Variants in CLOCK observed in about 807,000 individuals in gnomAD.
CLOCK encodes the protein clock circadian regulator.
A neutral mutation model predicts 118.4 loss-of-function variants in CLOCK; 43 were observed. The observed-to-expected ratio is 0.36, with a 90% CI of 0.28 to 0.47. The LOEUF (loss-of-function observed/expected upper bound fraction) is 0.47. Ranked by LOEUF, CLOCK falls within the 20% of genes least tolerant of loss-of-function variation. The pLI is 1.00. For synonymous variants in CLOCK, 326 were observed against 339.2 expected (o/e 0.96, Z 0.43); for missense variants, 846 against 999.9 (o/e 0.85, Z 2.08).
intron 1 of CLOCK, among the ~76,000 whole-genome samples, chr4:55,523,698 C>T (rs923200930): frequency 9.2e-5 from 14 of 152,158 alleles, no homozygotes; most frequent in Admixed American, 8.5e-4. Context: ...TACATCTCCA[C>T]ATACATTTCA....
At chr4:55,474,568 G>C (rs1400778844) in intron 7 of CLOCK, among the ~76,000 whole-genome samples, 1 of 152,192 alleles carries the variant, frequency 6.6e-6, no homozygotes, top group Non-Finnish European at 1.5e-5. Context: ...TTCGTAGTTA[G>C]AAAGGAGAAG....
chr4:55,451,648 G>C (rs1724466271), intron 15 of CLOCK, among the ~76,000 whole-genome samples: 1 of 152,102 alleles, frequency 6.6e-6, no homozygotes, highest in Non-Finnish European at 1.5e-5. Flanking sequence ...GGATTTACTA[G>C]GATTGAATCT....
intron 9 of CLOCK, among the ~76,000 whole-genome samples, chr4:55,461,898 T>TA (rs1577723070): frequency 2.0e-5 from 3 of 152,332 alleles, no homozygotes; most frequent in African/African-American, 7.2e-5. Context: ...CTTAGCCCCT[T>TA]TATAATTCTG....
intron 7 of CLOCK, among the ~76,000 whole-genome samples, chr4:55,475,611 C>T (rs1726459608): frequency 6.6e-6 from 1 of 152,198 alleles, no homozygotes; most frequent in Non-Finnish European, 1.5e-5. Flanking sequence ...CCACCCCAAC[C>T]TTCAGCAACC....
chr4:55,447,720 C>T (rs1723986201), intron 18 of CLOCK, among the ~76,000 whole-genome samples: 1 of 152,060 alleles, frequency 6.6e-6, no homozygotes, highest in East Asian at 1.9e-4. Flanking sequence ...GTATGTATCT[C>T]CTATCATATA....
chr4:55,478,424 T>A lies in CLOCK; in HGVS notation c.256+391A>T, dbSNP rs17085803. Among the ~76,000 whole-genome samples the A allele has an allele frequency of 8.2e-3, 1,253 of 152,276 alleles. 19 individuals carry two copies. Among genetic ancestry groups the A allele is most frequent in the African/African-American group, 0.029 (1,194 of 41,570 alleles). The stretch of plus-strand genomic sequence containing the variant: ...TCTGCTTTTGCACATATTCCCTTTG[T>A]GTGACATGCTGTCTTCCTTAATCTA... On this transcript the variant is annotated intron_variant, in intron 6 of 22. Coordinates refer to ENST00000513440, the MANE Select transcript of CLOCK (RefSeq NM_004898.4).
At chr4:55,509,238 G>A (rs1225235786) in intron 2 of CLOCK, among the ~76,000 whole-genome samples, 2 of 152,160 alleles carry the variant, frequency 1.3e-5, no homozygotes, top group Admixed American at 6.5e-5. Context: ...ACCATGTAAT[G>A]CATGACTGTA....
chr4:55,541,478 AG>A (rs1731262601), intron 1 of CLOCK, among the ~76,000 whole-genome samples: 1 of 152,260 alleles, frequency 6.6e-6, no homozygotes, highest in Non-Finnish European at 1.5e-5. Context: ...GTTTAGCTAC[AG>A]TGCAGAACTT....
At position 55,479,674 on chromosome 4, in the gene CLOCK, A is replaced by T; in HGVS notation, c.73T>A (p.Leu25Met). The change falls in exon 5 of 23, where the codon TTG (leucine) becomes ATG (methionine). Residue 25 changes from leucine to methionine, a missense_variant. Coordinates refer to ENST00000513440, the MANE Select transcript of CLOCK (RefSeq NM_004898.4). ...TTGTCCTTGTCATCTTCTTCCACCA[A>T]CCCATCAAAAATACTACTGTCATCT... Reference protein sequence around the residue: ...DRDDSSIFDGLVEEDDKDKAK... With the variant: ...DRDDSSIFDGMVEEDDKDKAK... The T allele has an allele frequency of 3.1e-6, 5 of 1,612,900 alleles. No homozygotes were observed. Among genetic ancestry groups the T allele is most frequent in the Non-Finnish European group, 3.4e-6 (4 of 1,179,234 alleles).
chr4:55,522,056 G>C (rs796854871), intron 1 of CLOCK, among the ~76,000 whole-genome samples: 1 of 152,268 alleles, frequency 6.6e-6, no homozygotes, highest in South Asian at 2.1e-4. Flanking sequence ...TAATGGTAGA[G>C]ACAACAGGTA....
chr4:55,445,598 T>C (rs1019506786), intron 18 of CLOCK, among the ~76,000 whole-genome samples: 1 of 124,960 alleles, frequency 8.0e-6, no homozygotes, highest in African/African-American at 2.9e-5. Flanking sequence ...TTTTTTTTTT[T>C]TTTTTTTTTT....
Position 55,430,241 on chromosome 4 carries a change from G to T in CLOCK, c.*5174C>A, listed in dbSNP as rs1053037098. On this transcript the variant is annotated 3_prime_UTR_variant, in exon 23 of 23. Transcript: ENST00000513440. The stretch of plus-strand genomic sequence containing the variant: ...GGTGGTGGTGATGGAATTTCACTTA[G>T]TTGTCTCTCCATAAACTATATCCTA... 1.3e-5 allele frequency: 2 copies of T among 152,220 alleles called. No homozygotes were observed. The highest frequency in any genetic ancestry group is 4.8e-5 in the African/African-American group (2 of 41,526). 9.4% of individuals were successfully genotyped at this position (152,220 alleles called of 1,614,324 possible).
chr4:55,474,432 G>A (rs993487000), intron 7 of CLOCK, among the ~76,000 whole-genome samples: 3 of 152,234 alleles, frequency 2.0e-5, no homozygotes, highest in Non-Finnish European at 4.4e-5. Context: ...AAGTGCTGAT[G>A]TAGAAGCTAG....
intron 1 of CLOCK, among the ~76,000 whole-genome samples, chr4:55,512,998 T>C (rs1010416765): frequency 1.3e-5 from 2 of 152,158 alleles, no homozygotes; most frequent in Non-Finnish European, 2.9e-5. Context: ...ATTCATAACA[T>C]TGTAATGCAA....
In CLOCK at chr4:55,542,106, C is replaced by T. The variant is rs1207302309; in HGVS notation, c.-290+4676G>A. 2.6e-5 allele frequency among the ~76,000 whole-genome samples: 4 copies of T among 151,662 alleles called. No individual in the cohort carries two copies. The East Asian group carries it at 5.8e-4, about 22-fold the overall frequency. ...CTGTAATCCCAGCACTTTGGGAGGCCGAGGTGGGCGGATCACCTGAGGTCA... is the reference window on the plus strand; with the variant it reads ...CTGTAATCCCAGCACTTTGGGAGGCTGAGGTGGGCGGATCACCTGAGGTCA... On this transcript the variant is annotated intron_variant, in intron 1 of 22. Coordinates refer to ENST00000513440, the MANE Select transcript of CLOCK (RefSeq NM_004898.4).
Position 55,435,501 on chromosome 4 carries a change from G to A in CLOCK, c.2455C>T (p.Gln819Ter). 6.2e-7 allele frequency: 1 copy of A among 1,614,034 alleles called. No homozygotes were observed. Among genetic ancestry groups the A allele is most frequent in the Non-Finnish European group, 8.5e-7 (1 of 1,179,958 alleles). The change falls in exon 23 of 23, where the codon CAG becomes TAG. Residue 819 changes from glutamine (Q) to a stop codon, truncating the protein, a stop_gained. Coordinates refer to ENST00000513440, the MANE Select transcript of CLOCK (RefSeq NM_004898.4). LOFTEE classifies it high-confidence loss of function. ...QQSTFPQSHHQQHQSQQQQQL... is the reference protein window; with the variant it reads ...QQSTFPQSHH The stretch of plus-strand genomic sequence containing the variant: ...TGCTGTTGCTGAGACTGATGTTGCT[G>A]GTGATGTGACTGAGGGAAGGTGCTC...
intron 9 of CLOCK, among the ~76,000 whole-genome samples, chr4:55,463,048 T>C (rs866131292): frequency 6.6e-6 from 1 of 152,202 alleles, no homozygotes; most frequent in African/African-American, 2.4e-5. Context: ...TTATACAGGG[T>C]AATATATGAA....
rs1164800209 is a variant in CLOCK, at chr4:55,454,331, T to G, written c.983-507A>C. Among the ~76,000 whole-genome samples the G allele has an allele frequency of 2.6e-5, 4 of 152,054 alleles. No individual in the cohort carries two copies. The East Asian group carries it at 5.8e-4, about 22-fold the overall frequency. On this transcript the variant is annotated intron_variant, in intron 13 of 22. Coordinates refer to ENST00000513440, the MANE Select transcript of CLOCK (RefSeq NM_004898.4). The stretch of plus-strand genomic sequence containing the variant: ...AGATATTAAACAAAAAAATGGGTTT[T>G]GGGCCAGGTGTGGTGGCTCACGCCT...
chr4:55,534,775 T>G (rs77636867), intron 1 of CLOCK, among the ~76,000 whole-genome samples: 1 of 151,752 alleles, frequency 6.6e-6, no homozygotes, highest in Middle Eastern at 3.4e-3. Context: ...TTCAAAGCAC[T>G]ACTGAGAAAA....
Sources: gnomAD v4.1 joint callset for allele counts (sites outside exome capture counted in the v4.1 genomes callset) on GRCh38, gnomAD v4.1.1 for gene constraint, MANE v1.5 for transcripts, NCBI Gene and HGNC (gene_info 2026-07-23, HGNC 2026-07-21) for gene names.